The following SBF2 variants were observed in gnomAD, a reference collection of about 807,000 sequenced individuals.
SBF2 encodes the protein myotubularin-related protein 13.
In SBF2, 112 loss-of-function variants were observed where a neutral mutation model predicts 225.2. The ratio of observed to expected loss-of-function variants is 0.50; its 90% CI spans 0.43 to 0.58. The LOEUF (loss-of-function observed/expected upper bound fraction) is 0.58, where lower values mean the gene tolerates loss of function less well. Among genes scored for constraint, SBF2 ranks in the 20% least tolerant of loss-of-function variants. The probability of loss-of-function intolerance (pLI) is 0.00; values close to 1 mark genes in which losing one functional copy is unlikely to be tolerated. For missense variants in SBF2, 1,996 were observed against 2,206.2 expected (o/e 0.90, Z 1.91); for synonymous variants, 763 against 773.3 (o/e 0.99, Z 0.22).
intron 2 of SBF2, among the ~76,000 whole-genome samples, chr11:10,136,316 A>G (rs940786448): frequency 3.9e-5 from 6 of 152,168 alleles, no homozygotes; most frequent in African/African-American, 1.4e-4. Flanking sequence ...CCTTGGTGAC[A>G]AGCGTATCTT....
intron 21 of SBF2, among the ~76,000 whole-genome samples, chr11:9,851,140 A>AAC (rs1197534687): frequency 1.3e-5 from 2 of 149,666 alleles, no homozygotes; most frequent in Non-Finnish European, 3.0e-5. Context: ...CATCTCAAAA[A>AAC]AAAAAAAAAC....
rs370370797 is a variant in SBF2 at position 9,789,199 on chromosome 11, T to C, written c.4842A>G (p.Glu1614=). 1.9e-6 allele frequency: 3 copies of C among 1,614,184 alleles called. No homozygotes were observed. Among genetic ancestry groups the C allele is most frequent in the Non-Finnish European group, 2.5e-6 (3 of 1,180,030 alleles). The change falls in exon 35 of 40, where the codon GAA becomes GAG. Residue 1614 remains glutamate (E), a synonymous_variant. Transcript: ENST00000256190. ...TTCTCCTCTGGCTCCGTGGCCCAGCTTCTCCAGCCAGGTCAGAGTCTTCGG... is the reference window on the plus strand; with the variant it reads ...TTCTCCTCTGGCTCCGTGGCCCAGCCTCTCCAGCCAGGTCAGAGTCTTCGG... ...FPSEDSDLAG[E]AGPRSQRRTV...
intron 2 of SBF2, among the ~76,000 whole-genome samples, chr11:10,091,871 G>A (rs575998168): frequency 2.0e-4 from 30 of 152,098 alleles, no homozygotes; most frequent in Admixed American, 9.2e-4. Flanking sequence ...GTTAGTTCTT[G>A]GTAGATTTCT....
At chr11:9,940,593 A>AT (rs1356306683) in intron 16 of SBF2, among the ~76,000 whole-genome samples, 1 of 152,072 alleles carries the variant, frequency 6.6e-6, no homozygotes, top group East Asian at 1.9e-4. Flanking sequence ...TTAAGTGTAT[A>AT]TTTTTTCCCA....
chr11:9,866,208 A>C (rs1858207723), intron 17 of SBF2, among the ~76,000 whole-genome samples: 1 of 152,202 alleles, frequency 6.6e-6, no homozygotes, highest in South Asian at 2.1e-4. Context: ...AATATCAGGA[A>C]GTCCTAGCCT....
chr11:9,878,684 C>T (rs185572776), intron 17 of SBF2, among the ~76,000 whole-genome samples: 75 of 152,230 alleles, frequency 4.9e-4, no homozygotes, highest in African/African-American at 1.7e-3. Flanking sequence ...TGTTAAATTC[C>T]AAAAGGTTAA....
intron 17 of SBF2, among the ~76,000 whole-genome samples, chr11:9,860,827 C>T (rs1296582426): frequency 1.3e-5 from 2 of 152,086 alleles, no homozygotes; most frequent in African/African-American, 4.8e-5. Flanking sequence ...TTTAACAAAT[C>T]CTTATCAGAT....
intron 21 of SBF2, 62 bp downstream of exon 21, chr11:9,852,614 C>A (rs1371977742): frequency 1.0e-5 from 12 of 1,157,760 alleles, no homozygotes; most frequent in Admixed American, 5.1e-5. Context: ...TGGCACACAG[C>A]AGTCTATTGT....
At chr11:9,880,635 G>A (rs1053154504) in intron 17 of SBF2, among the ~76,000 whole-genome samples, 1 of 152,126 alleles carries the variant, frequency 6.6e-6, no homozygotes, top group Admixed American at 6.5e-5. Flanking sequence ...CTTCTACACT[G>A]CTCTAGTTTG....
chr11:10,105,389 G>C (rs1043038496), intron 2 of SBF2, among the ~76,000 whole-genome samples: 12 of 152,160 alleles, frequency 7.9e-5, no homozygotes, highest in Non-Finnish European at 1.5e-4. Flanking sequence ...ACTAAAACAT[G>C]ATGATAGAAA....
chr11:9,802,754 CT>C (rs1306797307), intron 32 of SBF2, among the ~76,000 whole-genome samples: 2 of 152,124 alleles, frequency 1.3e-5, no homozygotes, highest in Non-Finnish European at 2.9e-5. Flanking sequence ...GAAACACTAC[CT>C]TATAATTAAG....
At chr11:10,014,814 G>A (rs573771060) in intron 6 of SBF2, among the ~76,000 whole-genome samples, 43 of 152,204 alleles carry the variant, frequency 2.8e-4, no homozygotes, top group African/African-American at 1.0e-3. Context: ...TTAGGGAAGT[G>A]TCATTCCCTC....
rs117600124 is a variant in SBF2 at position 9,981,535 on chromosome 11, G to C, written c.1395+7962C>G. 8.6e-3 allele frequency among the ~76,000 whole-genome samples: 1,315 copies of C among 152,182 alleles called. 10 individuals are homozygous for C. The highest frequency in any genetic ancestry group is 0.027 in the South Asian group (130 of 4,820). On this transcript the variant is annotated intron_variant, in intron 13 of 39. Coordinates refer to ENST00000256190, the MANE Select transcript of SBF2 (RefSeq NM_030962.4). ...TTTATAATTTCTTTTATTTTTTCAAGAGATATACAACCAATAACCACCATC... is the reference window on the plus strand; with the variant it reads ...TTTATAATTTCTTTTATTTTTTCAACAGATATACAACCAATAACCACCATC...
chr11:10,025,426 C>T (rs559607751), intron 6 of SBF2, among the ~76,000 whole-genome samples: 1 of 152,080 alleles, frequency 6.6e-6, no homozygotes, highest in South Asian at 2.1e-4. Context: ...CCAATTTTCC[C>T]TCTTCCCCAT....
intron 13 of SBF2, among the ~76,000 whole-genome samples, chr11:9,980,320 G>A (rs1428409965): frequency 1.5e-5 from 2 of 137,866 alleles, no homozygotes; most frequent in African/African-American, 2.8e-5. Flanking sequence ...AAAATTTGTA[G>A]AGATGGAGTC....
chr11:10,147,002 C>T (rs12365745), intron 2 of SBF2, among the ~76,000 whole-genome samples: 31,188 of 150,682 alleles, frequency 0.21, 3,269 homozygotes, highest in Middle Eastern at 0.27. Flanking sequence ...AAACCAAAAC[C>T]ACAATGAGAT....
At chr11:10,273,289 T>G (rs1252055739) in intron 1 of SBF2, among the ~76,000 whole-genome samples, 2 of 152,186 alleles carry the variant, frequency 1.3e-5, no homozygotes, top group African/African-American at 4.8e-5. Flanking sequence ...TCAACTTAAT[T>G]GCACAAGTTA....
At chr11:9,812,465 G>A in intron 30 of SBF2, 67 bp downstream of exon 30, 2 of 1,539,982 alleles carry the variant, frequency 1.3e-6, no homozygotes, top group South Asian at 1.1e-5. Context: ...CTCAAATACA[G>A]TTCTGTATAT....
At chr11:10,119,884 T>C (rs560374031) in intron 2 of SBF2, among the ~76,000 whole-genome samples, 2 of 152,354 alleles carry the variant, frequency 1.3e-5, no homozygotes, top group Non-Finnish European at 2.9e-5. Context: ...TCTCAAATTG[T>C]ATAAATCAGA....
Sources: gnomAD v4.1 joint callset for allele counts (sites outside exome capture counted in the v4.1 genomes callset) on GRCh38, gnomAD v4.1.1 for gene constraint, MANE v1.5 for transcripts, NCBI Gene and HGNC (gene_info 2026-07-23, HGNC 2026-07-21) for gene names.